CLASP2: variants seen among roughly 807,000 people sequenced by gnomAD.
The protein encoded by CLASP2 is cytoplasmic linker associated protein 2.
A neutral mutation model predicts 194.4 loss-of-function variants in CLASP2; 47 were observed. That is an observed-to-expected ratio of 0.24 (90% CI 0.19 to 0.31). The LOEUF is 0.31. Among genes scored for constraint, CLASP2 ranks in the 10% least tolerant of loss-of-function variants. The pLI, the probability that CLASP2 is intolerant of heterozygous loss-of-function variation, is 1.00. For synonymous variants in CLASP2, 619 were observed against 633.5 expected, an observed-to-expected ratio of 0.98 and a Z score of 0.34; for missense variants, 1,445 against 1,823.6, an observed-to-expected ratio of 0.79 and a Z score of 3.78.
At chr3:33,588,748 G>C (rs1231728816) in intron 21 of CLASP2, 2 of 702,094 alleles carry the variant, frequency 2.8e-6, no homozygotes, top group Non-Finnish European at 5.2e-6. Flanking sequence ...AAGTGTAAAG[G>C]CAGAATTAGG....
At position 33,592,424 on chromosome 3, in the gene CLASP2, C is replaced by G. The variant is rs572553856; in HGVS notation, c.2039G>C (p.Ser680Thr). ...GNAKADSRGR[S>T]RTKMVSQSQP... ...TGATTGAGACACCATTTTTGTTCGA[C>G]TTCTTCCTCTAGAATCTGCCTTGGC... The change falls in exon 21 of 39, where the codon AGT (serine) becomes ACT (threonine). Residue 680 changes from serine to threonine, a missense_variant. Physicochemically the swap from Ser to Thr is moderately conservative, Grantham distance 58. Transcript: ENST00000682230. 1 of 1,613,596 alleles carries G rather than the reference C, an allele frequency of 6.2e-7. No individual in the cohort carries two copies. The highest frequency in any genetic ancestry group is 1.1e-5 in the South Asian group (1 of 90,946).
intron 22 of CLASP2, among the ~76,000 whole-genome samples, chr3:33,583,771 GACTTAAA>G (rs1193556260): frequency 6.6e-6 from 1 of 152,096 alleles, no homozygotes; most frequent in Non-Finnish European, 1.5e-5. Context: ...ATCTGCAAAA[GACTTAAA>G]ACAATAAAAA....
chr3:33,582,149 T>A (rs1221466489), intron 22 of CLASP2, among the ~76,000 whole-genome samples: 1 of 152,212 alleles, frequency 6.6e-6, no homozygotes, highest in African/African-American at 2.4e-5. Flanking sequence ...AATAATATTT[T>A]ACCAAACTAA....
chr3:33,663,961 C>G (rs2085742898), intron 6 of CLASP2, among the ~76,000 whole-genome samples: 1 of 152,132 alleles, frequency 6.6e-6, no homozygotes, highest in Non-Finnish European at 1.5e-5. Flanking sequence ...TGGCTAATAT[C>G]ACTGATAATC....
At chr3:33,527,553 G>T (rs1408392454) in intron 34 of CLASP2, among the ~76,000 whole-genome samples, 1 of 152,118 alleles carries the variant, frequency 6.6e-6, no homozygotes, top group Admixed American at 6.5e-5. Flanking sequence ...ATAAAAGCTG[G>T]TACCATTCCT....
intron 11 of CLASP2, among the ~76,000 whole-genome samples, chr3:33,620,193 T>C (rs771333626): frequency 6.6e-6 from 1 of 152,230 alleles, no homozygotes; most frequent in Non-Finnish European, 1.5e-5. Flanking sequence ...TTTATTTCTA[T>C]TAATAGTATC....
At chr3:33,508,859 A>C (rs2049011830) in intron 37 of CLASP2, among the ~76,000 whole-genome samples, 1 of 152,192 alleles carries the variant, frequency 6.6e-6, no homozygotes, top group South Asian at 2.1e-4. Flanking sequence ...AATTTGATGT[A>C]TTTTAATTCA....
In CLASP2 at chr3:33,612,065, G is replaced by A; in HGVS notation, c.1324C>T (p.His442Tyr). ...ATTAAAGGTATAAGTCTGGGTACAT[G>A]AGTATGCTGAAAAAGATGTTTTAGA... The part of the protein sequence containing the change: ...AAIRFIIRHT[H>Y]VPRLIPLITS... The change falls in exon 13 of 39, where the codon CAT (histidine) becomes TAT (tyrosine). Residue 442 changes from histidine to tyrosine, a missense_variant. By Grantham distance (83) the His-to-Tyr change is moderately conservative (BLOSUM62 2). Around this residue, in one of 4 missense-constraint regions of CLASP2, gnomAD observed 207 missense variants for 331.4 expected, o/e 0.62. Coordinates refer to ENST00000682230, the MANE Select transcript of CLASP2 (RefSeq NM_001365631.1). The A allele has an allele frequency of 6.2e-7, 1 of 1,604,106 alleles. No individual in the cohort carries two copies. The highest frequency in any genetic ancestry group is 8.5e-7 in the Non-Finnish European group (1 of 1,172,716).
chr3:33,673,922 G>C (rs1575486783), intron 6 of CLASP2, among the ~76,000 whole-genome samples: 1 of 152,138 alleles, frequency 6.6e-6, no homozygotes, highest in Admixed American at 6.5e-5. Context: ...ACCCAATACA[G>C]GAGCACCCAG....
intron 29 of CLASP2, among the ~76,000 whole-genome samples, chr3:33,557,791 C>T (rs896251050): frequency 6.6e-6 from 1 of 152,118 alleles, no homozygotes; most frequent in African/African-American, 2.4e-5. Flanking sequence ...CCCCAAGCAG[C>T]TCTAAGAAAA....
At chr3:33,547,245 T>C (rs1359100069) in intron 30 of CLASP2, among the ~76,000 whole-genome samples, 2 of 152,122 alleles carry the variant, frequency 1.3e-5, no homozygotes, top group African/African-American at 4.8e-5. Flanking sequence ...ACTGTTCTTG[T>C]GGTAGTGAAT....
At chr3:33,545,412 C>A (rs114933562) in intron 30 of CLASP2, among the ~76,000 whole-genome samples, 2,501 of 152,324 alleles carry the variant, frequency 0.016, 32 homozygotes, top group Non-Finnish European at 0.028. Context: ...TTTATGATCA[C>A]ATGACTTGTA....
At chr3:33,621,330 A>C (rs1279959053) in intron 11 of CLASP2, among the ~76,000 whole-genome samples, 1 of 152,150 alleles carries the variant, frequency 6.6e-6, no homozygotes, top group Non-Finnish European at 1.5e-5. Context: ...TGTATTTTTC[A>C]TGGTTACGTT....
chr3:33,565,507 C>A (rs1363709995), intron 27 of CLASP2, among the ~76,000 whole-genome samples: 3 of 152,054 alleles, frequency 2.0e-5, no homozygotes, highest in Admixed American at 6.6e-5. Flanking sequence ...CTCTAGTTTA[C>A]TTTATTATAA....
chr3:33,717,462 T>C (rs1426607237), intron 1 of CLASP2, among the ~76,000 whole-genome samples: 1 of 152,116 alleles, frequency 6.6e-6, no homozygotes, highest in Non-Finnish European at 1.5e-5. Context: ...AGTCTCACTC[T>C]GTCGCCCAGG....
rs375078809 is a variant in CLASP2, at chr3:33,535,319, T to C, written c.3701A>G (p.Tyr1234Cys). The C allele has an allele frequency of 6.3e-5, 102 of 1,613,834 alleles. No individual in the cohort carries two copies. The highest frequency in any genetic ancestry group is 8.2e-5 in the Non-Finnish European group (97 of 1,179,864). Residue 1234 changes from tyrosine to cysteine, a missense_variant, in exon 34 of 39, where the codon TAT becomes TGT. Physicochemically the swap from Tyr to Cys is radical, Grantham distance 194. Transcript: ENST00000682230. ...GGGACTGATGCTATCTGAATAGTTATATGGATTATAGTCTCGAGAGCGTGG... is the reference window on the plus strand; with the variant it reads ...GGGACTGATGCTATCTGAATAGTTACATGGATTATAGTCTCGAGAGCGTGG... The part of the protein sequence containing the change: ...SSPRSRDYNP[Y>C]NYSDSISPFN...
chr3:33,521,386 T>A (rs1285230165), intron 34 of CLASP2, among the ~76,000 whole-genome samples: 1 of 152,122 alleles, frequency 6.6e-6, no homozygotes, highest in African/African-American at 2.4e-5. Context: ...GAGATCAAAG[T>A]TAACATCACC....
chr3:33,505,626 T>A (rs2047965529), intron 37 of CLASP2, among the ~76,000 whole-genome samples: 1 of 152,186 alleles, frequency 6.6e-6, no homozygotes, highest in Admixed American at 6.5e-5. Flanking sequence ...CTAAAATCAT[T>A]AGGTGAAAAG....
intron 32 of CLASP2, among the ~76,000 whole-genome samples, chr3:33,539,428 G>A (rs1019396390): frequency 2.0e-5 from 3 of 151,674 alleles, no homozygotes; most frequent in Non-Finnish European, 4.4e-5. Flanking sequence ...TCTGCCTCCC[G>A]AGTTCAACTG....
Sources: gnomAD v4.1 joint callset for allele counts (sites outside exome capture counted in the v4.1 genomes callset) on GRCh38, gnomAD v4.1.1 for gene constraint, gnomAD v4.1.1 regional missense constraint, MANE v1.5 for transcripts, NCBI Gene and HGNC (gene_info 2026-07-23, HGNC 2026-07-21) for gene names.